GRHL2: variants seen among roughly 807,000 people sequenced by gnomAD.
GRHL2 encodes grainyhead-like protein 2 homolog.
In GRHL2, 21 loss-of-function variants were observed where a neutral mutation model predicts 83.8. The ratio of observed to expected loss-of-function variants is 0.25; its 90% CI spans 0.18 to 0.36. The LOEUF (loss-of-function observed/expected upper bound fraction) is 0.36, where lower values mean the gene tolerates loss of function less well. GRHL2 is among the 10% of genes least tolerant of loss of function. GRHL2 has a pLI of 1.00. For synonymous variants in GRHL2, 280 were observed against 278.9 expected (o/e 1.00, Z -0.04); for missense variants, 623 against 781.8 (o/e 0.80, Z 2.42).
chr8:101,658,549 G>A (rs191779250), intron 14 of GRHL2, among the ~76,000 whole-genome samples: 1 of 152,282 alleles, frequency 6.6e-6, no homozygotes, highest in East Asian at 1.9e-4. Context: ...TGCTAGCTAT[G>A]GCTGGTGCCG....
downstream of GRHL2, among the ~76,000 whole-genome samples, chr8:101,673,463 A>C (rs1293596259): frequency 2.7e-5 from 4 of 149,816 alleles, no homozygotes; most frequent in East Asian, 7.9e-4. Flanking sequence ...GAAGGCCATT[A>C]TATAATGGTA....
intron 8 of GRHL2, among the ~76,000 whole-genome samples, chr8:101,618,404 G>A (rs1434733083): frequency 3.3e-5 from 5 of 152,160 alleles, no homozygotes; most frequent in African/African-American, 1.2e-4. Flanking sequence ...GCTGTAAGGT[G>A]AGGATGTTGA....
chr8:101,550,573 C>G (rs1435793239), intron 2 of GRHL2, among the ~76,000 whole-genome samples: 1 of 152,134 alleles, frequency 6.6e-6, no homozygotes, highest in Non-Finnish European at 1.5e-5. Context: ...CTTACTTCTT[C>G]CTTAATGCCT....
chr8:101,613,691 G>A (rs1249692572), intron 8 of GRHL2, among the ~76,000 whole-genome samples: 1 of 150,944 alleles, frequency 6.6e-6, no homozygotes, highest in African/African-American at 2.5e-5. Flanking sequence ...TTCTAAAACC[G>A]AGAAAGGAAC....
At chr8:101,671,452 G>T (rs144043382), downstream of GRHL2, among the ~76,000 whole-genome samples, 1 of 152,246 alleles carries the variant, frequency 6.6e-6, no homozygotes, top group South Asian at 2.1e-4. Context: ...AGGCGGCAGC[G>T]ATGCTGGGGG....
chr8:101,497,246 C>T (rs1267741915), intron 1 of GRHL2, among the ~76,000 whole-genome samples: 1 of 152,168 alleles, frequency 6.6e-6, no homozygotes, highest in Admixed American at 6.5e-5. Flanking sequence ...TCAGACACGC[C>T]CACCTCCCTA....
At chr8:101,539,029 A>C (rs1811099799) in intron 1 of GRHL2, among the ~76,000 whole-genome samples, 1 of 152,232 alleles carries the variant, frequency 6.6e-6, no homozygotes, top group South Asian at 2.1e-4. Flanking sequence ...GCTTTGTGCT[A>C]GGAAAGATGA....
chr8:101,509,214 T>TTTCTTTCTCTCTCTTTCTTTCTTTCTTC (rs1810414796), intron 1 of GRHL2, among the ~76,000 whole-genome samples: 1 of 82,740 alleles, frequency 1.2e-5, no homozygotes, highest in East Asian at 4.4e-4. Flanking sequence ...TCTTCTTGTG[T>TTTCTTTCTCTCTCTTTCTTTCTTTCTTC]GTGTGTGTGT....
intron 7 of GRHL2, among the ~76,000 whole-genome samples, chr8:101,590,046 C>T (rs1812246937): frequency 6.6e-6 from 1 of 152,092 alleles, no homozygotes; most frequent in South Asian, 2.1e-4. Context: ...CCAAGAAAAA[C>T]TGTCTGAGGT....
At chr8:101,513,473 T>C (rs1466549139) in intron 1 of GRHL2, among the ~76,000 whole-genome samples, 1 of 146,838 alleles carries the variant, frequency 6.8e-6, no homozygotes, top group Non-Finnish European at 1.5e-5. Context: ...TGTGTCTCTG[T>C]GTATGTGGGT....
the GRHL2 span, among the ~76,000 whole-genome samples, chr8:101,679,946 A>C: frequency 0.33 from 39,532 of 119,002 alleles, 7,985 homozygotes; most frequent in East Asian, 0.47. Flanking sequence ...GGAAAGGAAC[A>C]ACCGGTACCA....
intron 14 of GRHL2, among the ~76,000 whole-genome samples, chr8:101,657,771 C>T (rs1253358069): frequency 4.7e-5 from 7 of 150,044 alleles, no homozygotes; most frequent in South Asian, 4.2e-4. Flanking sequence ...ACCCAGGAGA[C>T]GGAGCTTGCA....
chr8:101,579,697 T>C (rs1812009981), intron 7 of GRHL2, among the ~76,000 whole-genome samples: 2 of 152,200 alleles, frequency 1.3e-5, no homozygotes, highest in Admixed American at 6.5e-5. Context: ...AATCAAATCA[T>C]GCATTTCTCT....
chr8:101,571,490 T>TAAAA (rs55827087), intron 5 of GRHL2, among the ~76,000 whole-genome samples: 20 of 131,364 alleles, frequency 1.5e-4, no homozygotes, highest in East Asian at 6.7e-4. Flanking sequence ...CCCCATTACA[T>TAAAA]AAAAAAAAAA....
At chr8:101,657,578 C>T (rs530230653) in intron 14 of GRHL2, among the ~76,000 whole-genome samples, 13 of 152,264 alleles carry the variant, frequency 8.5e-5, no homozygotes, top group African/African-American at 2.6e-4. Flanking sequence ...TAGTGGCTCA[C>T]GCCTGTAATC....
At chr8:101,616,942 G>A (rs1665106930) in intron 8 of GRHL2, among the ~76,000 whole-genome samples, 2 of 152,058 alleles carry the variant, frequency 1.3e-5, no homozygotes, top group Admixed American at 1.3e-4. Flanking sequence ...ACTTTTAATG[G>A]TATATATTTA....
intron 14 of GRHL2, among the ~76,000 whole-genome samples, chr8:101,659,827 G>T (rs1240104479): frequency 6.6e-6 from 1 of 152,118 alleles, no homozygotes; most frequent in Non-Finnish European, 1.5e-5. Flanking sequence ...TTTGGAAACA[G>T]CATTAACAGC....
At chr8:101,678,433 C>A in the GRHL2 span, among the ~76,000 whole-genome samples, 1 of 152,002 alleles carries the variant, frequency 6.6e-6, no homozygotes, top group East Asian at 1.9e-4. Context: ...GAGGGTCCTA[C>A]GCCCACGGAG....
chr8:101,526,380 G>C (rs959393055), intron 1 of GRHL2, among the ~76,000 whole-genome samples: 10 of 152,150 alleles, frequency 6.6e-5, no homozygotes, highest in Non-Finnish European at 1.5e-4. Context: ...ATTATTGGTT[G>C]ACTGAGTTAT....
Sources: allele counts gnomAD v4.1 joint callset (sites outside exome capture counted in the v4.1 genomes callset), GRCh38; gene constraint gnomAD v4.1.1; transcripts MANE v1.5; gene names NCBI Gene and HGNC (gene_info 2026-07-23, HGNC 2026-07-21).